Variants in MTHFD1L observed in about 807,000 individuals in gnomAD.
MTHFD1L encodes the protein methylenetetrahydrofolate dehydrogenase (NADP+ dependent) 1 like, also known as monofunctional C1-tetrahydrofolate synthase, mitochondrial.
A neutral mutation model predicts 119.5 loss-of-function variants in MTHFD1L; 81 were observed. That is an observed-to-expected ratio of 0.68 (90% confidence interval 0.57 to 0.82). MTHFD1L has a LOEUF of 0.82. Ranked by LOEUF, MTHFD1L falls within the 40% of genes least tolerant of loss-of-function variation. MTHFD1L has a pLI of 0.00. For synonymous variants in MTHFD1L, 430 were observed against 475.2 expected, an observed-to-expected ratio of 0.90 and a Z score of 1.24; for missense variants, 1,125 against 1,253.4, an observed-to-expected ratio of 0.90 and a Z score of 1.55.
At chr6:151,098,761 C>T (rs1242173127) in intron 27 of MTHFD1L, among the ~76,000 whole-genome samples, 3 of 152,212 alleles carry the variant, frequency 2.0e-5, no homozygotes, top group Non-Finnish European at 4.4e-5. Context: ...CTTCTTCCAA[C>T]GCATAAGCAA....
intron 8 of MTHFD1L, 118 bp downstream of exon 8, chr6:150,905,879 T>A: frequency 1.3e-6 from 1 of 784,026 alleles, no homozygotes; most frequent in East Asian, 2.7e-5. Flanking sequence ...CATTAATATA[T>A]AGGGTAGGAA....
chr6:150,901,091 G>A (rs1314070595), intron 7 of MTHFD1L, among the ~76,000 whole-genome samples: 1 of 152,010 alleles, frequency 6.6e-6, no homozygotes, highest in East Asian at 1.9e-4. Context: ...TTAGAAAAGT[G>A]ACATCTAACT....
intron 18 of MTHFD1L, among the ~76,000 whole-genome samples, chr6:150,962,802 G>A (rs1233095408): frequency 6.6e-6 from 1 of 152,126 alleles, no homozygotes; most frequent in Non-Finnish European, 1.5e-5. Context: ...CAAGGATAGT[G>A]TACAGAGAAG....
At chr6:150,946,476 A>G (rs1023896944) in intron 15 of MTHFD1L, among the ~76,000 whole-genome samples, 3 of 152,212 alleles carry the variant, frequency 2.0e-5, no homozygotes, top group African/African-American at 7.2e-5. Context: ...TGCAGCAAAC[A>G]CTACAATTAT....
chr6:150,967,220 C>G (rs1003807981), intron 19 of MTHFD1L, among the ~76,000 whole-genome samples: 1 of 152,224 alleles, frequency 6.6e-6, no homozygotes, highest in Admixed American at 6.5e-5. Flanking sequence ...TTGTCCAGGT[C>G]ACTTTTCCCT....
chr6:150,878,093 G>A (rs548631805), intron 4 of MTHFD1L, among the ~76,000 whole-genome samples: 1 of 152,322 alleles, frequency 6.6e-6, no homozygotes, highest in East Asian at 1.9e-4. Context: ...TCATCTAGTG[G>A]AAATTGTCAG....
chr6:150,918,717 A>C, intron 9 of MTHFD1L, 49 bp downstream of exon 9: 1 of 1,472,948 alleles, frequency 6.8e-7, no homozygotes, highest in South Asian at 1.1e-5. Context: ...AAGTTTGATT[A>C]ATAGTTGCTA....
At chr6:151,004,256 C>T (rs913640396) in intron 20 of MTHFD1L, among the ~76,000 whole-genome samples, 1 of 151,958 alleles carries the variant, frequency 6.6e-6, no homozygotes. Flanking sequence ...ACGTGGGAGG[C>T]GGAGGTTGCA....
At chr6:150,866,927 C>G (rs1583263875) in intron 1 of MTHFD1L, among the ~76,000 whole-genome samples, 1 of 152,204 alleles carries the variant, frequency 6.6e-6, no homozygotes, top group Non-Finnish European at 1.5e-5. Context: ...CCGCCTCCCT[C>G]GGAACTGGGA....
chr6:151,055,453 G>A (rs548563964), intron 26 of MTHFD1L, among the ~76,000 whole-genome samples: 73 of 151,710 alleles, frequency 4.8e-4, no homozygotes, highest in African/African-American at 1.6e-3. Flanking sequence ...TGCCCTCCTA[G>A]TAAAGATAGA....
intron 26 of MTHFD1L, among the ~76,000 whole-genome samples, chr6:151,048,680 C>T (rs1788489466): frequency 6.6e-6 from 1 of 152,186 alleles, no homozygotes; most frequent in East Asian, 1.9e-4. Context: ...GATCAATGTG[C>T]TAGTCTCTCT....
intron 26 of MTHFD1L, among the ~76,000 whole-genome samples, chr6:151,085,185 T>C (rs1793679048): frequency 6.6e-6 from 1 of 151,860 alleles, no homozygotes; most frequent in Non-Finnish European, 1.5e-5. Flanking sequence ...TTCTTCTATG[T>C]TGAAAATATT....
chr6:151,034,346 A>G (rs971611111), intron 24 of MTHFD1L, 147 bp from the exon 25 acceptor site: 3 of 630,188 alleles, frequency 4.8e-6, no homozygotes, highest in Non-Finnish European at 8.5e-6. Flanking sequence ...AAAGGAAAAA[A>G]GAGGGTTTGC....
At chr6:151,043,478 G>A (rs561426835) in intron 26 of MTHFD1L, among the ~76,000 whole-genome samples, 2 of 151,870 alleles carry the variant, frequency 1.3e-5, no homozygotes, top group African/African-American at 4.8e-5. Context: ...TGTTGGCCAG[G>A]CTGGTCTCAA....
intron 8 of MTHFD1L, among the ~76,000 whole-genome samples, chr6:150,916,530 T>A (rs1027752737): frequency 7.5e-6 from 1 of 133,044 alleles, no homozygotes. Flanking sequence ...GGTTGCACCA[T>A]GTTGGCCAGG....
At position 151,039,940 on chromosome 6, in the gene MTHFD1L, A is replaced by ACATACATACATGCATGCATACATG; in HGVS notation, c.2847+2830_2847+2831insACATGCATGCATACATGCATACAT. ...TAAATACATACATACATACATACAT[A>ACATACATACATGCATGCATACATG]CATACATGCATACATGCATACATGC... On this transcript the variant is annotated intron_variant, in intron 26 of 27. Coordinates refer to ENST00000367321, the MANE Select transcript of MTHFD1L (RefSeq NM_015440.5). The surrounding 1 kb of genome is among the most constrained non-coding windows in gnomAD (Gnocchi z 4.4). Among the ~76,000 whole-genome samples, 1 of 150,098 alleles carries ACATACATACATGCATGCATACATG rather than the reference A, an allele frequency of 6.7e-6. No individual in the cohort carries two copies. Among genetic ancestry groups the ACATACATACATGCATGCATACATG allele is most frequent in the East Asian group, 1.9e-4 (1 of 5,182 alleles).
At chr6:150,871,987 C>T (rs1379451629) in intron 1 of MTHFD1L, among the ~76,000 whole-genome samples, 1 of 151,984 alleles carries the variant, frequency 6.6e-6, no homozygotes, top group Non-Finnish European at 1.5e-5. Flanking sequence ...AATAAATTCT[C>T]CTGCTTCAGC....
At chr6:150,924,615 T>A (rs1259116418) in intron 10 of MTHFD1L, among the ~76,000 whole-genome samples, 2 of 152,130 alleles carry the variant, frequency 1.3e-5, no homozygotes, top group African/African-American at 4.8e-5. Flanking sequence ...TAGCTGGGAC[T>A]ACAGGTGCCA....
intron 1 of MTHFD1L, among the ~76,000 whole-genome samples, chr6:150,871,042 A>G (rs965653946): frequency 4.4e-4 from 64 of 145,324 alleles, no homozygotes; most frequent in African/African-American, 1.6e-3. Flanking sequence ...TTATATATAT[A>G]CCTTATAATA....
Sources: allele counts gnomAD v4.1 joint callset (sites outside exome capture counted in the v4.1 genomes callset), GRCh38; gene constraint gnomAD v4.1.1; non-coding constraint Gnocchi (gnomAD v3.1); transcripts MANE v1.5; gene names NCBI Gene and HGNC (gene_info 2026-07-23, HGNC 2026-07-21).